The following PDE4D variants were observed in gnomAD, a reference collection of about 807,000 sequenced individuals.
PDE4D encodes 3',5'-cyclic-AMP phosphodiesterase 4D.
In PDE4D, 24 loss-of-function variants were observed where a neutral mutation model predicts 87.4. That is an observed-to-expected ratio of 0.27 (90% CI 0.20 to 0.39). The LOEUF is 0.39. Ranked by LOEUF, PDE4D falls within the 10% of genes least tolerant of loss-of-function variation. The pLI is 1.00. For missense variants in PDE4D, 714 were observed against 1,041.0 expected (o/e 0.69, Z 4.32); for synonymous variants, 384 against 383.2 (o/e 1.00, Z -0.02).
At chr5:59,559,176 TACCTG>T (rs1188732678) in intron 1 of PDE4D, among the ~76,000 whole-genome samples, 1 of 152,222 alleles carries the variant, frequency 6.6e-6, no homozygotes, top group Admixed American at 6.5e-5. Flanking sequence ...CCTAACATGG[TACCTG>T]TCCATCCTTC....
intron 1 of PDE4D, among the ~76,000 whole-genome samples, chr5:59,448,516 A>T (rs891337865): frequency 6.6e-6 from 1 of 152,228 alleles, no homozygotes; most frequent in Admixed American, 6.5e-5. Context: ...AACAGAAATA[A>T]TTGCAGCCAC....
chr5:60,430,490 T>G (rs1744127968), intron 1 of PDE4D, among the ~76,000 whole-genome samples: 2 of 151,584 alleles, frequency 1.3e-5, no homozygotes, highest in African/African-American at 4.9e-5. Context: ...TTTCCTTGTC[T>G]CCTGCAAGTT....
chr5:59,065,125 T>C (rs887474390), intron 5 of PDE4D, among the ~76,000 whole-genome samples: 8 of 137,110 alleles, frequency 5.8e-5, no homozygotes, highest in Non-Finnish European at 7.9e-5. Context: ...CACACACACA[T>C]ATACAATGAA....
intron 1 of PDE4D, among the ~76,000 whole-genome samples, chr5:59,363,141 C>G (rs550958388): frequency 6.6e-6 from 1 of 152,094 alleles, no homozygotes; most frequent in African/African-American, 2.4e-5. Context: ...TGTTTATTGA[C>G]CTTGCTGAGT....
chr5:59,644,322 C>T (rs1742105139), intron 1 of PDE4D, among the ~76,000 whole-genome samples: 1 of 152,138 alleles, frequency 6.6e-6, no homozygotes, highest in African/African-American at 2.4e-5. Flanking sequence ...TATTGATCTA[C>T]AGTTAAACTG....
At chr5:60,387,577 T>C (rs1762278213) in intron 1 of PDE4D, among the ~76,000 whole-genome samples, 1 of 152,206 alleles carries the variant, frequency 6.6e-6, no homozygotes, top group Non-Finnish European at 1.5e-5. Context: ...CTCTTTCCAC[T>C]CCTATACCCT....
intron 1 of PDE4D, among the ~76,000 whole-genome samples, chr5:60,197,073 A>ATAGATAGG (rs1741326879): frequency 1.4e-5 from 1 of 71,120 alleles, no homozygotes; most frequent in Non-Finnish European, 3.2e-5. Context: ...AGATAGATAG[A>ATAGATAGG]CAGTTAGATA....
rs1463589713 is a variant in PDE4D, at chr5:59,562,413, T to G, written c.455+330755A>C. ...TTCCTGAAACGGCAAAATATAAATT[T>G]GCCTGTAAAATCAGAATGCCCTAGC... On this transcript the variant is annotated intron_variant, in intron 1 of 14. Transcript: ENST00000340635. Among the ~76,000 whole-genome samples, 4 of 152,200 alleles carry G rather than the reference T, an allele frequency of 2.6e-5. No individual in the cohort carries two copies. The East Asian group carries it at 5.8e-4, about 22-fold the overall frequency.
chr5:59,108,955 ATGTGTG>A (rs57004711), intron 5 of PDE4D, among the ~76,000 whole-genome samples: 1,367 of 121,862 alleles, frequency 0.011, 17 homozygotes, highest in African/African-American at 0.031. Flanking sequence ...TAGGAACTCA[ATGTGTG>A]TGTGTGTGTG....
chr5:59,458,572 G>C (rs144502564), intron 1 of PDE4D, among the ~76,000 whole-genome samples: 1 of 152,056 alleles, frequency 6.6e-6, no homozygotes, highest in Non-Finnish European at 1.5e-5. Context: ...ACCTTCTATC[G>C]TTGTTGAACT....
intron 1 of PDE4D, among the ~76,000 whole-genome samples, chr5:59,290,251 T>C (rs1767762735): frequency 6.6e-6 from 1 of 151,600 alleles, no homozygotes; most frequent in South Asian, 2.1e-4. Flanking sequence ...AATACCAGTT[T>C]TGAACCCAGA....
intron 1 of PDE4D, among the ~76,000 whole-genome samples, chr5:59,351,729 G>A (rs1334902913): frequency 6.6e-6 from 1 of 151,932 alleles, no homozygotes; most frequent in Non-Finnish European, 1.5e-5. Flanking sequence ...CTTTTGCTTA[G>A]CATTTCTTTA....
At chr5:59,101,384 G>A (rs1427415193) in intron 5 of PDE4D, among the ~76,000 whole-genome samples, 1 of 152,148 alleles carries the variant, frequency 6.6e-6, no homozygotes, top group Non-Finnish European at 1.5e-5. Context: ...AGGAGGGGTA[G>A]CTTTTAATAA....
intron 5 of PDE4D, among the ~76,000 whole-genome samples, chr5:59,175,646 A>G (rs2153475499): frequency 6.6e-6 from 1 of 151,310 alleles, no homozygotes; most frequent in South Asian, 2.1e-4. Flanking sequence ...ACGCCTGGCT[A>G]ATTTTTGTAT....
At chr5:59,959,627 A>G (rs1759244791) in intron 3 of PDE4D, among the ~76,000 whole-genome samples, 1 of 152,202 alleles carries the variant, frequency 6.6e-6, no homozygotes, top group Non-Finnish European at 1.5e-5. Flanking sequence ...TCCTTATTCA[A>G]TAAACAGTGC....
At chr5:59,780,419 C>T (rs114380397) in intron 1 of PDE4D, among the ~76,000 whole-genome samples, 115 of 152,306 alleles carry the variant, frequency 7.6e-4, no homozygotes, top group Non-Finnish European at 1.5e-3. Flanking sequence ...GTTGACCAAG[C>T]ATTTCCCAGG....
intron 1 of PDE4D, among the ~76,000 whole-genome samples, chr5:59,648,296 G>A (rs1020179943): frequency 9.2e-5 from 14 of 152,214 alleles, no homozygotes; most frequent in Non-Finnish European, 8.8e-5. Flanking sequence ...TCATGTGTGA[G>A]CAATTCAAAA....
chr5:59,011,739 T>C (rs1049427892), intron 6 of PDE4D, among the ~76,000 whole-genome samples: 1 of 152,190 alleles, frequency 6.6e-6, no homozygotes, highest in African/African-American at 2.4e-5. Flanking sequence ...TGCAGGATAT[T>C]ATCCAGGAGA....
intron 1 of PDE4D, among the ~76,000 whole-genome samples, chr5:59,844,330 T>A (rs1743505018): frequency 6.6e-6 from 1 of 152,258 alleles, no homozygotes; most frequent in East Asian, 1.9e-4. Flanking sequence ...TGGATGTATT[T>A]ACTTCTAGTC....
Sources: gnomAD v4.1 joint callset for allele counts (sites outside exome capture counted in the v4.1 genomes callset) on GRCh38, gnomAD v4.1.1 for gene constraint, MANE v1.5 for transcripts, NCBI Gene and HGNC (gene_info 2026-07-23, HGNC 2026-07-21) for gene names.